RASAL2: variants seen among roughly 807,000 people sequenced by gnomAD.
RASAL2 encodes RAS protein activator like 2, also known as ras GTPase-activating protein nGAP.
Under a neutral mutation model 128.9 loss-of-function variants are expected in RASAL2, and 58 were observed. The ratio of observed to expected loss-of-function variants is 0.45; its 90% CI spans 0.36 to 0.56. The LOEUF (loss-of-function observed/expected upper bound fraction) is 0.56, where lower values mean the gene tolerates loss of function less well. Ranked by LOEUF, RASAL2 falls within the 20% of genes least tolerant of loss-of-function variation. The pLI is 0.00. For missense variants in RASAL2, 1,360 were observed against 1,601.6 expected, an observed-to-expected ratio of 0.85 and a Z score of 2.57; for synonymous variants, 561 against 580.8, an observed-to-expected ratio of 0.97 and a Z score of 0.49.
chr1:178,312,028 G>T (rs928666682), intron 3 of RASAL2, among the ~76,000 whole-genome samples: 2 of 151,756 alleles, frequency 1.3e-5, no homozygotes, highest in African/African-American at 4.8e-5. Context: ...ATAAGGGTTG[G>T]AAAATGGAAT....
At chr1:178,381,030 T>C (rs1175118688) in intron 3 of RASAL2, among the ~76,000 whole-genome samples, 1 of 152,196 alleles carries the variant, frequency 6.6e-6, no homozygotes, top group Non-Finnish European at 1.5e-5. Context: ...TTGGCAGATA[T>C]GTAGGTGAAA....
chr1:178,232,687 A>T (rs899965611), intron 1 of RASAL2, among the ~76,000 whole-genome samples: 3 of 152,146 alleles, frequency 2.0e-5, no homozygotes, highest in Non-Finnish European at 4.4e-5. Flanking sequence ...AACAATATTA[A>T]CTTTGAGAGA....
intron 1 of RASAL2, among the ~76,000 whole-genome samples, chr1:178,124,288 T>G (rs1659814422): frequency 6.6e-6 from 1 of 152,154 alleles, no homozygotes. Context: ...AGGGGACATT[T>G]GACAAAGTCT....
At position 178,410,336 on chromosome 1, in the gene RASAL2, C is replaced by T. The variant is rs533310961; in HGVS notation, c.565-10175C>T. ...GTGGCTGAAATGTTGAAGAATGAAG[C>T]TGGGTCCTCATCTCTCACCTTATAC... On this transcript the variant is annotated intron_variant, in intron 4 of 17. Transcript: ENST00000367649. Among the ~76,000 whole-genome samples the T allele has an allele frequency of 5.3e-5, 8 of 152,118 alleles. No homozygotes were observed. In the South Asian group the frequency reaches 1.7e-3, roughly 32 times the overall value.
chr1:178,459,583 C>T (rs1479690728), intron 14 of RASAL2, among the ~76,000 whole-genome samples: 1 of 152,104 alleles, frequency 6.6e-6, no homozygotes, highest in Non-Finnish European at 1.5e-5. Context: ...ACAGTTTAGG[C>T]ACTTACCTAT....
intron 1 of RASAL2, among the ~76,000 whole-genome samples, chr1:178,109,544 TCAAGGACTCAGAAACTTAAA>T (rs1197484808): frequency 1.9e-4 from 29 of 152,320 alleles, no homozygotes; most frequent in South Asian, 1.9e-3. Context: ...GGTTTGTATT[TCAAGGACTCAGAAACTTAAA>T]GTATGATTCA....
chr1:178,110,242 A>G (rs1659246918), intron 1 of RASAL2, among the ~76,000 whole-genome samples: 2 of 151,862 alleles, frequency 1.3e-5, no homozygotes, highest in African/African-American at 4.8e-5. Flanking sequence ...TTCTATCTGT[A>G]TAGATTAGTT....
At chr1:178,198,473 G>T (rs1207889041) in intron 1 of RASAL2, among the ~76,000 whole-genome samples, 2 of 152,134 alleles carry the variant, frequency 1.3e-5, no homozygotes, top group African/African-American at 2.4e-5. Context: ...CTACAGATGG[G>T]GTTTTGGTGT....
intron 1 of RASAL2, among the ~76,000 whole-genome samples, chr1:178,173,696 C>T (rs1291819758): frequency 6.6e-6 from 1 of 151,992 alleles, no homozygotes. Flanking sequence ...CTTACCTTTA[C>T]CACTACTTCT....
At chr1:178,115,407 A>G (rs1478185460) in intron 1 of RASAL2, among the ~76,000 whole-genome samples, 2 of 152,102 alleles carry the variant, frequency 1.3e-5, no homozygotes, top group Non-Finnish European at 2.9e-5. Context: ...TGGGAGATCT[A>G]ATTTAGTGTG....
chr1:178,181,544 AGAC>A (rs1295948597), intron 1 of RASAL2, among the ~76,000 whole-genome samples: 1 of 152,122 alleles, frequency 6.6e-6, no homozygotes, highest in Non-Finnish European at 1.5e-5. Flanking sequence ...TTTTTAGTAG[AGAC>A]GGGGTTTCAC....
intron 3 of RASAL2, among the ~76,000 whole-genome samples, chr1:178,330,857 A>C (rs945878483): frequency 6.6e-6 from 1 of 152,196 alleles, no homozygotes; most frequent in African/African-American, 2.4e-5. Context: ...GGCATTTAAT[A>C]ACAGTGCCTC....
At chr1:178,461,170 GC>G (rs1443279795) in intron 14 of RASAL2, among the ~76,000 whole-genome samples, 1 of 152,092 alleles carries the variant, frequency 6.6e-6, no homozygotes, top group Non-Finnish European at 1.5e-5. Flanking sequence ...CTCCCATGAA[GC>G]CTCTGAAGTT....
In RASAL2 at chr1:178,321,493, AT is replaced by A. The variant is rs543418298; in HGVS notation, c.457+21382del. Among the ~76,000 whole-genome samples, 454 of 151,898 alleles carry A rather than the reference AT, an allele frequency of 3.0e-3. 2 individuals carry two copies. The highest frequency in any genetic ancestry group is 0.011 in the African/African-American group (437 of 41,408). ...TGATAATAAGTTTCATAACTTCATT[AT>A]TTTTTTCTTTTTTGTTTTTCTATTT... On this transcript the variant is annotated intron_variant, in intron 3 of 17. Transcript: ENST00000367649.
intron 4 of RASAL2, among the ~76,000 whole-genome samples, chr1:178,400,812 G>A (rs949379959): frequency 6.6e-6 from 1 of 152,130 alleles, no homozygotes; most frequent in African/African-American, 2.4e-5. Context: ...ATGCAGTGGT[G>A]TAATCTCAGC....
chr1:178,275,422 CAT>C (rs1278861055), intron 1 of RASAL2, among the ~76,000 whole-genome samples: 1 of 152,188 alleles, frequency 6.6e-6, no homozygotes, highest in East Asian at 1.9e-4. Context: ...TTTCACGGCA[CAT>C]GTGATCAGGA....
chr1:178,338,218 C>T (rs1669693103), intron 3 of RASAL2, among the ~76,000 whole-genome samples: 1 of 151,844 alleles, frequency 6.6e-6, no homozygotes, highest in African/African-American at 2.4e-5. Flanking sequence ...CAACATTTGC[C>T]TCCTGGGTTC....
chr1:178,200,857 C>G (rs897860168), intron 1 of RASAL2, among the ~76,000 whole-genome samples: 1 of 152,166 alleles, frequency 6.6e-6, no homozygotes, highest in Non-Finnish European at 1.5e-5. Flanking sequence ...GGCAGCATCC[C>G]CTCCCCAACC....
intron 15 of RASAL2, among the ~76,000 whole-genome samples, chr1:178,464,831 G>GTTTTTTT (rs986789340): frequency 2.1e-3 from 80 of 38,200 alleles, no homozygotes; most frequent in East Asian, 3.0e-3. Flanking sequence ...GGTTTTAGTT[G>GTTTTTTT]TTTTTTTTTT....
Sources: allele counts gnomAD v4.1 joint callset (sites outside exome capture counted in the v4.1 genomes callset), GRCh38; gene constraint gnomAD v4.1.1; transcripts MANE v1.5; gene names NCBI Gene and HGNC (gene_info 2026-07-23, HGNC 2026-07-21).